The following GRIK2 variants were observed in gnomAD, a reference collection of about 807,000 sequenced individuals.
GRIK2 encodes glutamate receptor ionotropic, kainate 2.
In GRIK2, 32 loss-of-function variants were observed where a neutral mutation model predicts 100.3. That is an observed-to-expected ratio of 0.32 (90% CI 0.24 to 0.43). The LOEUF (loss-of-function observed/expected upper bound fraction) is 0.43, where lower values mean the gene tolerates loss of function less well. GRIK2 is among the 20% of genes least tolerant of loss of function. The probability of loss-of-function intolerance (pLI) is 1.00; values close to 1 mark genes in which losing one functional copy is unlikely to be tolerated. For missense variants in GRIK2, 843 were observed against 1,114.9 expected, an observed-to-expected ratio of 0.76 and a Z score of 3.47; for synonymous variants, 417 against 389.4, an observed-to-expected ratio of 1.07 and a Z score of -0.83.
At chr6:101,774,416 A>G (rs1423864154) in intron 7 of GRIK2, among the ~76,000 whole-genome samples, 4 of 152,178 alleles carry the variant, frequency 2.6e-5, no homozygotes, top group Non-Finnish European at 4.4e-5. Flanking sequence ...CTCTAAATCA[A>G]TAGCGGTTCC....
chr6:101,942,480 G>A (rs1327894457), intron 14 of GRIK2, among the ~76,000 whole-genome samples: 3 of 152,226 alleles, frequency 2.0e-5, no homozygotes, highest in Non-Finnish European at 4.4e-5. Flanking sequence ...CTAGAGACTT[G>A]TTGAATGGTT....
chr6:101,691,331 G>A (rs1273506251), intron 7 of GRIK2, among the ~76,000 whole-genome samples: 3 of 147,428 alleles, frequency 2.0e-5, no homozygotes, highest in African/African-American at 5.0e-5. Flanking sequence ...ACAGAGTCTC[G>A]CTCTGCCACC....
chr6:101,918,612 G>C (rs190311174), intron 12 of GRIK2, among the ~76,000 whole-genome samples: 6 of 151,806 alleles, frequency 4.0e-5, no homozygotes, highest in African/African-American at 1.2e-4. Flanking sequence ...CTCTCATGCT[G>C]AGTTTTCCCG....
chr6:101,692,858 A>G (rs1308132895), intron 7 of GRIK2, among the ~76,000 whole-genome samples: 1 of 152,156 alleles, frequency 6.6e-6, no homozygotes, highest in East Asian at 1.9e-4. Flanking sequence ...TGTATATTTC[A>G]GAGTATGTAA....
In GRIK2 at chr6:101,783,296, G is replaced by GT. The variant is rs1413867117; in HGVS notation, c.952-16351dup. 7.9e-5 allele frequency among the ~76,000 whole-genome samples: 12 copies of GT among 151,632 alleles called. No individual in the cohort carries two copies. In the East Asian group the frequency reaches 2.4e-3, roughly 31 times the overall value. ...CTCATGAGATCTGATGATTTTCAAA[G>GT]TGACAGTTTCCCATTTGCATGCTCT... On this transcript the variant is annotated intron_variant, in intron 7 of 16. Transcript: ENST00000369134.
intron 14 of GRIK2, among the ~76,000 whole-genome samples, chr6:101,981,505 A>G (rs1351626994): frequency 6.6e-6 from 1 of 151,970 alleles, no homozygotes; most frequent in Admixed American, 6.6e-5. Flanking sequence ...GTCAAGTTAA[A>G]GAGATAAATT....
intron 2 of GRIK2, among the ~76,000 whole-genome samples, chr6:101,456,131 T>TA (rs1447901698): frequency 3.3e-5 from 5 of 150,704 alleles, no homozygotes; most frequent in East Asian, 1.9e-4. Flanking sequence ...TTTTTTTTTT[T>TA]TAAAAAAAGA....
At chr6:101,795,716 A>G (rs1029810192) in intron 7 of GRIK2, among the ~76,000 whole-genome samples, 1 of 152,212 alleles carries the variant, frequency 6.6e-6, no homozygotes, top group Non-Finnish European at 1.5e-5. Context: ...CACGGACACC[A>G]GCAGTGGTGA....
At chr6:101,642,903 T>A (rs1475474214) in intron 4 of GRIK2, among the ~76,000 whole-genome samples, 2 of 151,624 alleles carry the variant, frequency 1.3e-5, no homozygotes, top group East Asian at 3.9e-4. Context: ...ATATATATAT[T>A]TTAATTGTAC....
chr6:101,776,167 G>A (rs1056534214), intron 7 of GRIK2, among the ~76,000 whole-genome samples: 1 of 152,150 alleles, frequency 6.6e-6, no homozygotes, highest in African/African-American at 2.4e-5. Context: ...AAGTTTAACA[G>A]CAATGAAGGT....
chr6:101,787,168 C>A (rs1358827914), intron 7 of GRIK2, among the ~76,000 whole-genome samples: 1 of 151,474 alleles, frequency 6.6e-6, no homozygotes, highest in Non-Finnish European at 1.5e-5. Flanking sequence ...TTGTAATGTC[C>A]ATTTTTTACC....
At chr6:101,865,174 A>G (rs998754935) in intron 11 of GRIK2, among the ~76,000 whole-genome samples, 1 of 152,240 alleles carries the variant, frequency 6.6e-6, no homozygotes, top group African/African-American at 2.4e-5. Context: ...TTAGAAAACA[A>G]CTATAGTAAA....
At chr6:101,707,554 GTATATATA>G (rs1395563285) in intron 7 of GRIK2, among the ~76,000 whole-genome samples, 1 of 117,256 alleles carries the variant, frequency 8.5e-6, no homozygotes, top group East Asian at 2.4e-4. Flanking sequence ...GTATATATGT[GTATATATA>G]TGTATATATG....
At chr6:101,709,203 G>T (rs1773540450) in intron 7 of GRIK2, among the ~76,000 whole-genome samples, 1 of 151,688 alleles carries the variant, frequency 6.6e-6, no homozygotes, top group Non-Finnish European at 1.5e-5. Flanking sequence ...CCAATGAGTA[G>T]TAGCTGGCAA....
At chr6:101,894,734 G>A (rs1376349561) in intron 12 of GRIK2, among the ~76,000 whole-genome samples, 1 of 151,710 alleles carries the variant, frequency 6.6e-6, no homozygotes, top group East Asian at 1.9e-4. Flanking sequence ...TGATATAATA[G>A]AAAATGTTTA....
chr6:101,405,676 G>A (rs1316751474), intron 2 of GRIK2, among the ~76,000 whole-genome samples: 2 of 152,008 alleles, frequency 1.3e-5, no homozygotes, highest in Non-Finnish European at 2.9e-5. Context: ...CTTCAATGTA[G>A]TAAGTCCCTT....
chr6:101,446,985 T>TAG (rs1210590591), intron 2 of GRIK2, among the ~76,000 whole-genome samples: 1 of 398 alleles, frequency 2.5e-3, no homozygotes, highest in Admixed American at 0.056. Flanking sequence ...ATTATATGTT[T>TAG]ATATATATGT....
intron 2 of GRIK2, among the ~76,000 whole-genome samples, chr6:101,425,820 G>C (rs1447750288): frequency 6.6e-6 from 1 of 152,066 alleles, no homozygotes; most frequent in African/African-American, 2.4e-5. Flanking sequence ...CACTCCTTTT[G>C]CGTTATTCCT....
At chr6:101,401,220 T>C (rs944467944) in intron 2 of GRIK2, among the ~76,000 whole-genome samples, 2 of 152,202 alleles carry the variant, frequency 1.3e-5, no homozygotes, top group African/African-American at 4.8e-5. Context: ...CTGCCACCAA[T>C]ACTCTAAGGA....
Sources: gnomAD v4.1 joint callset for allele counts (sites outside exome capture counted in the v4.1 genomes callset) on GRCh38, gnomAD v4.1.1 for gene constraint, MANE v1.5 for transcripts, NCBI Gene and HGNC (gene_info 2026-07-23, HGNC 2026-07-21) for gene names.